The following LYPD6B variants were observed in gnomAD, a reference collection of about 807,000 sequenced individuals.
LYPD6B encodes the protein ly6/PLAUR domain-containing protein 6B.
LYPD6B carries 17 observed loss-of-function variants against 22.8 expected under a neutral mutation model. The ratio of observed to expected loss-of-function variants is 0.75; its 90% CI spans 0.51 to 1.12. LYPD6B has a LOEUF of 1.12. Among genes scored for constraint, LYPD6B ranks in the 50% most tolerant of loss-of-function variants. The probability of loss-of-function intolerance (pLI) is 0.00; values close to 1 mark genes in which losing one functional copy is unlikely to be tolerated. For missense variants in LYPD6B, 221 were observed against 258.3 expected, an observed-to-expected ratio of 0.86 and a Z score of 0.99; for synonymous variants, 106 against 91.6, an observed-to-expected ratio of 1.16 and a Z score of -0.90.
At chr2:149,117,314 A>G (rs1687057084) in intron 1 of LYPD6B, among the ~76,000 whole-genome samples, 2 of 149,754 alleles carry the variant, frequency 1.3e-5, no homozygotes, top group Non-Finnish European at 3.0e-5. Context: ...TCTGTCGCTC[A>G]GGCAAGAGTG....
chr2:149,185,159 T>C (rs1400366426), intron 3 of LYPD6B, among the ~76,000 whole-genome samples: 2 of 152,238 alleles, frequency 1.3e-5, no homozygotes, highest in African/African-American at 4.8e-5. Context: ...CATGCCCAAC[T>C]GTTGCATGGG....
chr2:149,078,558 G>T (rs1052293848), intron 1 of LYPD6B, among the ~76,000 whole-genome samples: 4 of 152,136 alleles, frequency 2.6e-5, no homozygotes, highest in African/African-American at 9.7e-5. Context: ...TACCTAAGAG[G>T]AACTCATTTC....
At chr2:149,197,808 A>G (rs1692908492) in intron 3 of LYPD6B, among the ~76,000 whole-genome samples, 1 of 152,112 alleles carries the variant, frequency 6.6e-6, no homozygotes, top group Non-Finnish European at 1.5e-5. Flanking sequence ...TTTATTCAGT[A>G]TTTTAAGAGC....
At chr2:149,195,985 TATACTA>T (rs1692781988) in intron 3 of LYPD6B, among the ~76,000 whole-genome samples, 1 of 152,220 alleles carries the variant, frequency 6.6e-6, no homozygotes, top group Non-Finnish European at 1.5e-5. Context: ...TTCTCCCCAT[TATACTA>T]GGCAGCATTT....
At chr2:149,131,179 G>C (rs1212703665) in intron 2 of LYPD6B, 1 of 482,422 alleles carries the variant, frequency 2.1e-6, no homozygotes, top group Non-Finnish European at 3.6e-6. Flanking sequence ...ACACAAAGCT[G>C]TGTCTCAGAA....
chr2:149,139,528 G>A (rs1688560957), intron 2 of LYPD6B, among the ~76,000 whole-genome samples: 1 of 152,166 alleles, frequency 6.6e-6, no homozygotes, highest in Non-Finnish European at 1.5e-5. Context: ...ACCTAGGGTC[G>A]GCGGTGACAG....
At chr2:149,117,602 C>T (rs995101588) in intron 1 of LYPD6B, among the ~76,000 whole-genome samples, 1 of 152,076 alleles carries the variant, frequency 6.6e-6, no homozygotes, top group African/African-American at 2.4e-5. Flanking sequence ...AGTGGTTATG[C>T]TTAATATATG....
intron 1 of LYPD6B, among the ~76,000 whole-genome samples, chr2:149,099,202 T>C (rs1034489952): frequency 3.9e-5 from 6 of 152,262 alleles, no homozygotes; most frequent in African/African-American, 1.4e-4. Flanking sequence ...GCCAGATAAA[T>C]GCCAGGTCAC....
chr2:149,070,444 C>T (rs1684545604), intron 1 of LYPD6B, among the ~76,000 whole-genome samples: 1 of 152,034 alleles, frequency 6.6e-6, no homozygotes, highest in African/African-American at 2.4e-5. Context: ...AAAATTTTAA[C>T]CTCTTTATTT....
intron 2 of LYPD6B, among the ~76,000 whole-genome samples, chr2:149,134,670 A>G (rs1221917091): frequency 1.3e-5 from 2 of 152,182 alleles, no homozygotes; most frequent in Non-Finnish European, 2.9e-5. Flanking sequence ...GCAGAGGGAA[A>G]AGTTGGTATG....
At chr2:149,101,740 A>G (rs1188591188) in intron 1 of LYPD6B, among the ~76,000 whole-genome samples, 1 of 152,176 alleles carries the variant, frequency 6.6e-6, no homozygotes, top group Non-Finnish European at 1.5e-5. Context: ...CCTGATGCTT[A>G]CAACCAGGTC....
rs73963327 is a variant in LYPD6B at position 149,075,874 on chromosome 2, C to T, written c.-67+37073C>T. On this transcript the variant is annotated intron_variant, in intron 1 of 6. Transcript: ENST00000409642. ...AAAACAATGTTAGCAGAATACTTTT[C>T]TGCTTGTGTTCGGCAGTGTTGGTGG... Among the ~76,000 whole-genome samples the T allele has an allele frequency of 9.8e-3, 1,487 of 152,260 alleles. 33 individuals carry two copies. Among genetic ancestry groups the T allele is most frequent in the African/African-American group, 0.033 (1,366 of 41,546 alleles).
At chr2:149,050,861 A>T (rs977450155) in intron 1 of LYPD6B, among the ~76,000 whole-genome samples, 40 of 152,324 alleles carry the variant, frequency 2.6e-4, no homozygotes, top group African/African-American at 9.1e-4. Context: ...TCCTGTCTTA[A>T]TATGATTTCA....
chr2:149,151,520 TGG>T (rs2105829726), intron 2 of LYPD6B, among the ~76,000 whole-genome samples: 1 of 152,312 alleles, frequency 6.6e-6, no homozygotes, highest in African/African-American at 2.4e-5. Context: ...GGAGATGCTC[TGG>T]AGGTCTAAGT....
At chr2:149,045,333 G>C (rs890352261) in intron 1 of LYPD6B, among the ~76,000 whole-genome samples, 5 of 151,816 alleles carry the variant, frequency 3.3e-5, no homozygotes, top group Admixed American at 6.6e-5. Flanking sequence ...TCTGTCTAGA[G>C]GTTTATCAAT....
rs1331093362 is a variant in LYPD6B, at chr2:149,205,376, C to T, written c.201C>T (p.Asn67=). 6.2e-7 allele frequency: 1 copy of T among 1,613,862 alleles called. No homozygotes were observed. The highest frequency in any genetic ancestry group is 8.5e-7 in the Non-Finnish European group (1 of 1,179,854). The stretch of plus-strand genomic sequence containing the variant: ...GCTGGGCATTTGCCAAGAACATCAA[C>T]TTCTATAATGTGAGGCCTCCTCTCG... ...SESWAFAKNI[N]FYNVRPPLDP... Residue 67 remains asparagine, a synonymous_variant, in exon 4 of 7, where the codon AAC becomes AAT. Coordinates refer to ENST00000409642, the MANE Select transcript of LYPD6B (RefSeq NM_177964.5).
intron 2 of LYPD6B, among the ~76,000 whole-genome samples, chr2:149,144,667 C>T (rs922549653): frequency 2.6e-5 from 4 of 152,170 alleles, no homozygotes; most frequent in African/African-American, 9.7e-5. Flanking sequence ...GCTGGGATTA[C>T]AAGCATGAGC....
intron 3 of LYPD6B, among the ~76,000 whole-genome samples, chr2:149,195,695 C>T (rs1160427175): frequency 6.6e-6 from 1 of 152,064 alleles, no homozygotes; most frequent in Non-Finnish European, 1.5e-5. Flanking sequence ...TATTGTATGG[C>T]CTTAATGATA....
At chr2:149,163,682 A>G (rs1690238629) in intron 3 of LYPD6B, among the ~76,000 whole-genome samples, 1 of 152,124 alleles carries the variant, frequency 6.6e-6, no homozygotes, top group Admixed American at 6.6e-5. Flanking sequence ...GGGAACACTG[A>G]TTTATGGAAC....
Sources: allele counts gnomAD v4.1 joint callset (sites outside exome capture counted in the v4.1 genomes callset), GRCh38; gene constraint gnomAD v4.1.1; transcripts MANE v1.5; gene names NCBI Gene and HGNC (gene_info 2026-07-23, HGNC 2026-07-21).